The following COL14A1 variants were observed in gnomAD, a reference collection of about 807,000 sequenced individuals.
COL14A1 encodes the protein collagen type XIV alpha 1 chain.
COL14A1 carries 136 observed loss-of-function variants against 230.3 expected under a neutral mutation model. That is an observed-to-expected ratio of 0.59 (90% CI 0.51 to 0.68). COL14A1 has a LOEUF of 0.68. Among genes scored for constraint, COL14A1 ranks in the 30% least tolerant of loss-of-function variants. The pLI, the probability that COL14A1 is intolerant of heterozygous loss-of-function variation, is 0.00. For synonymous variants in COL14A1, 792 were observed against 784.1 expected (o/e 1.01, Z -0.17); for missense variants, 1,976 against 2,215.8 (o/e 0.89, Z 2.17).
intron 8 of COL14A1, among the ~76,000 whole-genome samples, chr8:120,199,936 A>G (rs1817173767): frequency 6.7e-6 from 1 of 148,178 alleles, no homozygotes; most frequent in Admixed American, 6.7e-5. Flanking sequence ...CTAATTTATC[A>G]TTTTCAAGGA....
At chr8:120,265,993 A>T (rs936292100) in intron 24 of COL14A1, among the ~76,000 whole-genome samples, 6 of 152,092 alleles carry the variant, frequency 3.9e-5, no homozygotes, top group African/African-American at 1.4e-4. Context: ...CCCTCTGTGA[A>T]TGGCTATGTT....
In COL14A1 at chr8:120,239,249, A is replaced by G. The variant is rs551799017; in HGVS notation, c.2350-4630A>G. Among the ~76,000 whole-genome samples the G allele has an allele frequency of 3.3e-5, 5 of 152,294 alleles. No homozygotes were observed. In the East Asian group the frequency reaches 5.8e-4, roughly 18 times the overall value. ...TGCATCCAGAAGAATTTTTCTTTTG[A>G]GTCATAAAATATGTTTATTTAGCTC... On this transcript the variant is annotated intron_variant, in intron 19 of 47. Transcript: ENST00000297848.
At position 120,125,161 on chromosome 8, in the gene COL14A1, A is replaced by C. The variant is rs1814282053; in HGVS notation, c.-217A>C. 1.3e-5 allele frequency: 2 copies of C among 152,742 alleles called. No individual in the cohort carries two copies. Among genetic ancestry groups the C allele is most frequent in the African/African-American group, 2.4e-5 (1 of 41,480 alleles). 9.5% of individuals were successfully genotyped at this position (152,742 alleles called of 1,614,324 possible). A position where few individuals can be genotyped will look rare whatever the true frequency, so the allele number is the denominator to read the frequency against. On this transcript the variant is annotated 5_prime_UTR_variant, in exon 1 of 48. Transcript: ENST00000297848. ...GCGGAGGCAGCTCCAGGGGGCTGGA[A>C]GTGGAAGCGCAGCGGCAGAAGGAGA...
At chr8:120,196,514 A>G (rs1817044098) in intron 5 of COL14A1, among the ~76,000 whole-genome samples, 1 of 152,170 alleles carries the variant, frequency 6.6e-6, no homozygotes, top group South Asian at 2.1e-4. Flanking sequence ...TTTTGCACAG[A>G]CACTACTTTC....
At chr8:120,299,086 A>G (rs1586842936) in intron 35 of COL14A1, among the ~76,000 whole-genome samples, 1 of 152,112 alleles carries the variant, frequency 6.6e-6, no homozygotes, top group South Asian at 2.1e-4. Flanking sequence ...TACCTGGCTT[A>G]CATTATGCAC....
At chr8:120,243,210 G>A (rs569886481) in intron 19 of COL14A1, among the ~76,000 whole-genome samples, 22 of 152,270 alleles carry the variant, frequency 1.4e-4, no homozygotes, top group African/African-American at 4.1e-4. Flanking sequence ...TCACACTTGC[G>A]CGATGTCGAA....
In COL14A1 at chr8:120,126,463, A is replaced by C. The variant is rs1184241247; in HGVS notation, c.-38+1123A>C. Among the ~76,000 whole-genome samples, 3 of 152,092 alleles carry C rather than the reference A, an allele frequency of 2.0e-5. No homozygotes were observed. In the East Asian group the frequency reaches 5.8e-4, roughly 29 times the overall value. The stretch of plus-strand genomic sequence containing the variant: ...TTCTCAGAGTCCCATTACTTCTGCA[A>C]GTTTTGGAGAGTCCTCTGTTGGCAG... On this transcript the variant is annotated intron_variant, in intron 1 of 47. Transcript: ENST00000297848.
intron 26 of COL14A1, among the ~76,000 whole-genome samples, chr8:120,274,189 A>T (rs1181101935): frequency 6.6e-6 from 1 of 151,892 alleles, no homozygotes; most frequent in Admixed American, 6.6e-5. Flanking sequence ...ACAAGTCAAT[A>T]AATGTGATAC....
At chr8:120,170,253 CTTAATTT>C (rs964263904) in intron 5 of COL14A1, among the ~76,000 whole-genome samples, 10 of 151,744 alleles carry the variant, frequency 6.6e-5, no homozygotes, top group African/African-American at 2.4e-4. Flanking sequence ...GTGTTTATCC[CTTAATTT>C]TTAATTTTTC....
rs372150043 is a variant in COL14A1 at position 120,208,365 on chromosome 8, T to C, written c.1321+4T>C. 6 of 1,611,618 alleles carry C rather than the reference T, an allele frequency of 3.7e-6. No individual in the cohort carries two copies. The highest frequency in any genetic ancestry group is 5.1e-6 in the Non-Finnish European group (6 of 1,178,810). On this transcript the variant is annotated splice_donor_region_variant and intron_variant, in intron 11 of 47. Transcript: ENST00000297848. The stretch of plus-strand genomic sequence containing the variant: ...CTACGGGGAACTGAAACTACACGTA[T>C]GTATTTAATTCTACCCCACTTCTAA...
chr8:120,149,588 T>C (rs1266382598), intron 2 of COL14A1, among the ~76,000 whole-genome samples: 2 of 152,176 alleles, frequency 1.3e-5, no homozygotes, highest in African/African-American at 2.4e-5. Context: ...AATTCAGAAG[T>C]GGTAATTTGT....
At chr8:120,215,691 A>G (rs920785358) in intron 13 of COL14A1, among the ~76,000 whole-genome samples, 3 of 152,078 alleles carry the variant, frequency 2.0e-5, no homozygotes, top group Non-Finnish European at 4.4e-5. Context: ...GTGGCAGTGG[A>G]GGTGAAGAGA....
intron 5 of COL14A1, among the ~76,000 whole-genome samples, chr8:120,196,187 C>T (rs1817033203): frequency 6.6e-6 from 1 of 152,192 alleles, no homozygotes; most frequent in East Asian, 1.9e-4. Context: ...GTCACATACA[C>T]ATAATATGCA....
At chr8:120,287,714 A>G (rs1251198537) in intron 33 of COL14A1, among the ~76,000 whole-genome samples, 1 of 152,202 alleles carries the variant, frequency 6.6e-6, no homozygotes, top group East Asian at 1.9e-4. Flanking sequence ...CCAAAAAGCC[A>G]AACAAGGAAA....
intron 5 of COL14A1, among the ~76,000 whole-genome samples, chr8:120,168,929 C>T (rs1200744904): frequency 6.6e-6 from 1 of 152,126 alleles, no homozygotes; most frequent in African/African-American, 2.4e-5. Context: ...AATCTCGGCT[C>T]ACTGCAACCT....
In COL14A1 at chr8:120,301,493, T is replaced by C. The variant is rs117850394; in HGVS notation, c.4401+675T>C. Among the ~76,000 whole-genome samples, 262 of 152,260 alleles carry C rather than the reference T, an allele frequency of 1.7e-3. 2 individuals carry two copies. Among genetic ancestry groups the C allele is most frequent in the Non-Finnish European group, 3.0e-3 (206 of 68,022 alleles). On this transcript the variant is annotated intron_variant, in intron 36 of 47. Transcript: ENST00000297848. ...TTCTGTGTTAGTTTCCTAAGGATAA[T>C]GGCCTCCTGCTCCATCCATGTTCCC...
At chr8:120,362,039 C>G (rs188230590) in intron 45 of COL14A1, among the ~76,000 whole-genome samples, 15 of 152,266 alleles carry the variant, frequency 9.9e-5, no homozygotes, top group African/African-American at 3.1e-4. Context: ...GAGTGTGAGG[C>G]CAGAGAGAGT....
At chr8:120,304,258 T>A (rs1239680967) in intron 36 of COL14A1, among the ~76,000 whole-genome samples, 1 of 152,172 alleles carries the variant, frequency 6.6e-6, no homozygotes, top group Admixed American at 6.5e-5. Context: ...TCAGCCCTGA[T>A]CTTGGTTATT....
intron 26 of COL14A1, 94 bp from the exon 27 acceptor site, chr8:120,278,017 A>C: frequency 8.7e-7 from 1 of 1,150,994 alleles, no homozygotes. Flanking sequence ...TGAGATAATG[A>C]AGAAATTAAA....
Sources: allele counts gnomAD v4.1 joint callset (sites outside exome capture counted in the v4.1 genomes callset), GRCh38; gene constraint gnomAD v4.1.1; transcripts MANE v1.5; gene names NCBI Gene and HGNC (gene_info 2026-07-23, HGNC 2026-07-21).